The following IFT57 variants were observed in gnomAD, a reference collection of about 807,000 sequenced individuals.
The protein encoded by IFT57 is intraflagellar transport 57.
In IFT57, 59 loss-of-function variants were observed where a neutral mutation model predicts 56.8. The ratio of observed to expected loss-of-function variants is 1.04; its 90% CI spans 0.84 to 1.29. The LOEUF is 1.29. Among genes scored for constraint, IFT57 ranks in the 50% most tolerant of loss-of-function variants. The pLI is 0.00. For synonymous variants in IFT57, 209 were observed against 186.1 expected (o/e 1.12, Z -1.00); for missense variants, 470 against 522.1 (o/e 0.90, Z 0.97).
At chr3:108,205,280 T>C (rs1235447403) in intron 5 of IFT57, among the ~76,000 whole-genome samples, 1 of 152,086 alleles carries the variant, frequency 6.6e-6, no homozygotes, top group East Asian at 1.9e-4. Flanking sequence ...AAAAACCCTA[T>C]GACAAAGGTA....
chr3:108,192,591 C>G (rs1181805816), intron 5 of IFT57, among the ~76,000 whole-genome samples: 1 of 151,754 alleles, frequency 6.6e-6, no homozygotes, highest in African/African-American at 2.4e-5. Context: ...ATTTTGGTAC[C>G]AATTCTTCCC....
At chr3:108,194,215 T>C (rs2080231023) in intron 5 of IFT57, among the ~76,000 whole-genome samples, 4 of 152,048 alleles carry the variant, frequency 2.6e-5, no homozygotes, top group Non-Finnish European at 5.9e-5. Context: ...CAGTGAACAA[T>C]TTGAAGTAGA....
chr3:108,188,130 T>A (rs998027697), intron 6 of IFT57, among the ~76,000 whole-genome samples: 1 of 152,000 alleles, frequency 6.6e-6, no homozygotes, highest in Non-Finnish European at 1.5e-5. Context: ...ATGTTCCCCT[T>A]CCTGTGTCCA....
intron 5 of IFT57, among the ~76,000 whole-genome samples, chr3:108,196,350 A>C (rs9863548): frequency 0.096 from 14,631 of 152,010 alleles, 767 homozygotes; most frequent in Middle Eastern, 0.12. Context: ...CGTCCATACT[A>C]CCACTTTCTT....
chr3:108,190,476 C>T (rs1278110814), intron 6 of IFT57, among the ~76,000 whole-genome samples: 1 of 152,158 alleles, frequency 6.6e-6, no homozygotes, highest in Non-Finnish European at 1.5e-5. Context: ...TTATAATTGT[C>T]TGGCATTTCT....
chr3:108,186,586 A>C, intron 6 of IFT57, among the ~76,000 whole-genome samples: 1 of 152,188 alleles, frequency 6.6e-6, no homozygotes, highest in East Asian at 1.9e-4. Flanking sequence ...CTTCAATGAA[A>C]AATTAAACCA....
chr3:108,197,759 GTAAATGT>G (rs1443429888), intron 5 of IFT57, among the ~76,000 whole-genome samples: 1 of 152,172 alleles, frequency 6.6e-6, no homozygotes, highest in Non-Finnish European at 1.5e-5. Context: ...ACAGCATGGT[GTAAATGT>G]TAAGAGGATG....
chr3:108,210,852 G>A (rs60731607), intron 4 of IFT57, among the ~76,000 whole-genome samples: 13,913 of 152,222 alleles, frequency 0.091, 702 homozygotes, highest in Middle Eastern at 0.12. Context: ...CTTTGAGGAA[G>A]GCCTTCAGTT....
At chr3:108,219,384 G>T in intron 2 of IFT57, 26 bp downstream of exon 2, 1 of 1,590,846 alleles carries the variant, frequency 6.3e-7, no homozygotes, top group Non-Finnish European at 8.6e-7. Flanking sequence ...TGAGAACAAG[G>T]AAAAAGAAGG....
chr3:108,173,997 A>AATGTGTGTGTGTGTGTGT (rs59994463), intron 6 of IFT57, among the ~76,000 whole-genome samples: 3 of 100,720 alleles, frequency 3.0e-5, no homozygotes, highest in African/African-American at 6.8e-5. Flanking sequence ...CATATATTTG[A>AATGTGTGTGTGTGTGTGT]GTGTGTGTGT....
intron 7 of IFT57, 60 bp downstream of exon 7, chr3:108,167,728 CTCTTA>C (rs1416072645): frequency 3.6e-6 from 4 of 1,098,916 alleles, no homozygotes; most frequent in East Asian, 2.7e-5. Flanking sequence ...CTTTCATGTT[CTCTTA>C]TAACAGGTGT....
At position 108,198,556 on chromosome 3, in the gene IFT57, C is replaced by T. The variant is rs9836834; in HGVS notation, c.655-6913G>A. On this transcript the variant is annotated intron_variant, in intron 5 of 10. Coordinates refer to ENST00000264538, the MANE Select transcript of IFT57 (RefSeq NM_018010.4). ...TCCAGGGTTTAAGTGATTCTCCTGC[C>T]TCAACCTCCCAAGTAGCTAGGACTA... Among the ~76,000 whole-genome samples the T allele has an allele frequency of 4.6e-3, 704 of 152,212 alleles. 3 individuals are homozygous for T. Among genetic ancestry groups the T allele is most frequent in the African/African-American group, 0.016 (667 of 41,528 alleles).
chr3:108,170,979 T>C (rs2108309518), intron 6 of IFT57, among the ~76,000 whole-genome samples: 1 of 152,058 alleles, frequency 6.6e-6, no homozygotes, highest in Non-Finnish European at 1.5e-5. Flanking sequence ...AAAAATACAG[T>C]AAGTTAAAGT....
intron 5 of IFT57, among the ~76,000 whole-genome samples, chr3:108,203,253 A>C (rs1329730499): frequency 1.3e-5 from 2 of 152,296 alleles, no homozygotes; most frequent in African/African-American, 2.4e-5. Flanking sequence ...CCTCTGCCCA[A>C]TCCTGCTTTC....
intron 6 of IFT57, among the ~76,000 whole-genome samples, chr3:108,168,868 C>CGT (rs1397353661): frequency 4.6e-5 from 7 of 151,990 alleles, no homozygotes; most frequent in African/African-American, 1.7e-4. Flanking sequence ...TGTATATGTG[C>CGT]CATACTTTCT....
At chr3:108,185,235 G>GA (rs950034713) in intron 6 of IFT57, among the ~76,000 whole-genome samples, 2 of 152,048 alleles carry the variant, frequency 1.3e-5, no homozygotes, top group Non-Finnish European at 2.9e-5. Context: ...TATGATTCAA[G>GA]AAAAAATGAA....
chr3:108,206,818 G>A (rs1243700004), intron 4 of IFT57, 122 bp from the exon 5 acceptor site: 1 of 249,808 alleles, frequency 4.0e-6, no homozygotes, highest in Non-Finnish European at 7.3e-6. Flanking sequence ...GTAGAAAAGG[G>A]TATTTAAAAG....
chr3:108,176,564 GC>G (rs1201869188), intron 6 of IFT57, among the ~76,000 whole-genome samples: 1 of 151,746 alleles, frequency 6.6e-6, no homozygotes, highest in Admixed American at 6.6e-5. Context: ...TGGTCGTTTT[GC>G]TAAAGCATGA....
At chr3:108,173,146 G>C (rs2080103662) in intron 6 of IFT57, among the ~76,000 whole-genome samples, 1 of 151,812 alleles carries the variant, frequency 6.6e-6, no homozygotes, top group Non-Finnish European at 1.5e-5. Flanking sequence ...AATTAATTTT[G>C]TAATATTCAT....
Sources: allele counts gnomAD v4.1 joint callset (sites outside exome capture counted in the v4.1 genomes callset), GRCh38; gene constraint gnomAD v4.1.1; transcripts MANE v1.5; gene names NCBI Gene and HGNC (gene_info 2026-07-23, HGNC 2026-07-21).